Variants in CTNND2 observed in about 807,000 individuals in gnomAD.
The protein encoded by CTNND2 is catenin delta-2.
Under a neutral mutation model 144.4 loss-of-function variants are expected in CTNND2, and 22 were observed. The ratio of observed to expected loss-of-function variants is 0.15; its 90% CI spans 0.11 to 0.22. The LOEUF (loss-of-function observed/expected upper bound fraction) is 0.22. Among genes scored for constraint, CTNND2 ranks in the 10% least tolerant of loss-of-function variants. The pLI, the probability that CTNND2 is intolerant of heterozygous loss-of-function variation, is 1.00. For missense variants in CTNND2, 1,353 were observed against 1,618.8 expected (o/e 0.84, Z 2.82); for synonymous variants, 751 against 695.6 (o/e 1.08, Z -1.25).
intron 7 of CTNND2, among the ~76,000 whole-genome samples, chr5:11,377,636 A>C (rs1343619484): frequency 6.6e-6 from 1 of 152,154 alleles, no homozygotes; most frequent in Non-Finnish European, 1.5e-5. Context: ...CCCGCATTTG[A>C]TTTACAAGGA....
chr5:11,070,230 C>T (rs1748109284), intron 16 of CTNND2, among the ~76,000 whole-genome samples: 1 of 151,538 alleles, frequency 6.6e-6, no homozygotes, highest in African/African-American at 2.4e-5. Context: ...GGACAACATG[C>T]ATGAAAAAAA....
At chr5:10,974,918 T>C (rs919520505) in intron 21 of CTNND2, among the ~76,000 whole-genome samples, 1 of 152,214 alleles carries the variant, frequency 6.6e-6, no homozygotes, top group South Asian at 2.1e-4. Flanking sequence ...TTTATACTAG[T>C]AATCAACCTG....
At chr5:11,423,823 A>C (rs934308588) in intron 3 of CTNND2, among the ~76,000 whole-genome samples, 3 of 152,116 alleles carry the variant, frequency 2.0e-5, no homozygotes, top group African/African-American at 7.2e-5. Context: ...CAAAGCTAAC[A>C]CCTCTTAGAC....
chr5:11,359,626 A>G, intron 8 of CTNND2, among the ~76,000 whole-genome samples: 1 of 152,076 alleles, frequency 6.6e-6, no homozygotes, highest in East Asian at 1.9e-4. Flanking sequence ...GCACTGCTGT[A>G]CTTTCTATCT....
chr5:11,448,679 A>T (rs1765052691), intron 3 of CTNND2, among the ~76,000 whole-genome samples: 2 of 152,078 alleles, frequency 1.3e-5, no homozygotes, highest in Admixed American at 1.3e-4. Context: ...TGAAACATAT[A>T]TATTTTTTGA....
intron 18 of CTNND2, among the ~76,000 whole-genome samples, chr5:11,003,213 G>A (rs1356920161): frequency 4.6e-5 from 7 of 152,006 alleles, no homozygotes; most frequent in African/African-American, 1.7e-4. Context: ...GAGATATAAA[G>A]AAAAGTGTGG....
At chr5:11,674,343 T>A (rs530973705) in intron 2 of CTNND2, among the ~76,000 whole-genome samples, 1 of 152,210 alleles carries the variant, frequency 6.6e-6, no homozygotes, top group South Asian at 2.1e-4. Context: ...CATATGCATA[T>A]ATTTTATCAC....
chr5:11,407,381 T>C (rs935063877), intron 5 of CTNND2, among the ~76,000 whole-genome samples: 2 of 152,072 alleles, frequency 1.3e-5, no homozygotes, highest in Non-Finnish European at 1.5e-5. Flanking sequence ...GTTTACCAAG[T>C]GTTTCAGATT....
At chr5:11,774,262 T>C (rs1790114183) in intron 1 of CTNND2, among the ~76,000 whole-genome samples, 1 of 151,994 alleles carries the variant, frequency 6.6e-6, no homozygotes, top group Admixed American at 6.5e-5. Flanking sequence ...TCCGATTTCA[T>C]CCATGTCCCT....
chr5:11,262,019 T>A (rs188754965), intron 9 of CTNND2, among the ~76,000 whole-genome samples: 1 of 152,128 alleles, frequency 6.6e-6, no homozygotes, highest in African/African-American at 2.4e-5. Context: ...TCATAATTTA[T>A]CTATTATAGA....
intron 1 of CTNND2, among the ~76,000 whole-genome samples, chr5:11,733,717 A>T (rs1189417502): frequency 6.6e-6 from 1 of 152,220 alleles, no homozygotes; most frequent in African/African-American, 2.4e-5. Context: ...AAAACTGGCA[A>T]GGCCATTTGC....
At chr5:11,713,377 G>C (rs1045396620) in intron 2 of CTNND2, among the ~76,000 whole-genome samples, 16 of 151,884 alleles carry the variant, frequency 1.1e-4, no homozygotes, top group African/African-American at 3.9e-4. Flanking sequence ...TCAGGAGTTT[G>C]AGACCAGCCT....
At chr5:11,415,004 T>C (rs1241586573) in intron 3 of CTNND2, among the ~76,000 whole-genome samples, 1 of 152,236 alleles carries the variant, frequency 6.6e-6, no homozygotes, top group African/African-American at 2.4e-5. Context: ...CTATCATTGA[T>C]GGGCATTTAG....
chr5:11,703,890 G>GCAA (rs1561711205), intron 2 of CTNND2, among the ~76,000 whole-genome samples: 1 of 152,150 alleles, frequency 6.6e-6, no homozygotes, highest in Non-Finnish European at 1.5e-5. Flanking sequence ...TTAAGAAGGT[G>GCAA]CAAAGGAATA....
chr5:11,601,070 T>G (rs1247433323), intron 2 of CTNND2, among the ~76,000 whole-genome samples: 4 of 152,196 alleles, frequency 2.6e-5, no homozygotes, highest in African/African-American at 9.6e-5. Context: ...ACTATATATA[T>G]AGATGTAGAA....
intron 3 of CTNND2, among the ~76,000 whole-genome samples, chr5:11,494,098 C>T (rs554652259): frequency 1.3e-5 from 2 of 152,056 alleles, no homozygotes; most frequent in South Asian, 2.1e-4. Context: ...AATATCTATC[C>T]CTCAGGAACA....
intron 11 of CTNND2, 148 bp downstream of exon 11, chr5:11,199,300 A>C (rs1478199844): frequency 4.7e-6 from 3 of 635,194 alleles, no homozygotes; most frequent in Non-Finnish European, 8.1e-6. Flanking sequence ...CATTTTCTTC[A>C]GTTGTTTACT....
At chr5:11,006,348 G>A (rs1234261123) in intron 18 of CTNND2, among the ~76,000 whole-genome samples, 1 of 152,206 alleles carries the variant, frequency 6.6e-6, no homozygotes, top group Non-Finnish European at 1.5e-5. Flanking sequence ...ACACCCACGT[G>A]ATGGAGATCT....
At chr5:10,984,217 T>C (rs1737651455) in intron 20 of CTNND2, among the ~76,000 whole-genome samples, 1 of 152,216 alleles carries the variant, frequency 6.6e-6, no homozygotes, top group South Asian at 2.1e-4. Context: ...CAGTCTGTCC[T>C]GCTGCTACCT....
Sources: allele counts gnomAD v4.1 joint callset (sites outside exome capture counted in the v4.1 genomes callset), GRCh38; gene constraint gnomAD v4.1.1; transcripts MANE v1.5; gene names NCBI Gene and HGNC (gene_info 2026-07-23, HGNC 2026-07-21).